Variants in CHD8 observed in about 807,000 individuals in gnomAD.
The protein encoded by CHD8 is ATP-dependent chromatin remodeler CHD8.
A neutral mutation model predicts 279.2 loss-of-function variants in CHD8; 31 were observed. That is an observed-to-expected ratio of 0.11 (90% confidence interval 0.08 to 0.15). The LOEUF is 0.15. Among genes scored for constraint, CHD8 ranks in the 10% least tolerant of loss-of-function variants. The probability of loss-of-function intolerance (pLI) is 1.00; values close to 1 mark genes in which losing one functional copy is unlikely to be tolerated. For synonymous variants in CHD8, 1,081 were observed against 1,139.6 expected (o/e 0.95, Z 1.04); for missense variants, 2,146 against 3,230.5 (o/e 0.66, Z 8.14).
intron 27 of CHD8, chr14:21,396,568 T>G (rs1887794505): frequency 6.6e-6 from 1 of 151,514 alleles, no homozygotes; most frequent in Admixed American, 6.6e-5. Context: ...GCCTAGTCTT[T>G]TATTTATTTA....
At position 21,405,734 on chromosome 14, in the gene CHD8, T is replaced by C; in HGVS notation, c.3038A>G (p.Lys1013Arg). 6.2e-7 allele frequency: 1 copy of C among 1,613,852 alleles called. No individual in the cohort carries two copies. The change falls in exon 15 of 38, where the codon AAG (lysine) becomes AGG (arginine). Residue 1013 changes from lysine to arginine, a missense_variant. Coordinates refer to ENST00000646647, the MANE Select transcript of CHD8 (RefSeq NM_001170629.2). The surrounding 1 kb of genome is among the most constrained non-coding windows in gnomAD (Gnocchi z 4.2). Reference protein sequence around the residue: ...SEFLKDFGDLKTEEQVQKLQA... With the variant: ...SEFLKDFGDLRTEEQVQKLQA... ...TAGATTTCCTACCTGTTCCTCTGTC[T>C]TGAGATCCCCAAAGTCCTTGAGAAA... is the stretch of plus-strand genomic sequence containing the variant.
chr14:21,407,554 C>G (rs1057151286), intron 13 of CHD8, among the ~76,000 whole-genome samples: 1 of 152,008 alleles, frequency 6.6e-6, no homozygotes, highest in Non-Finnish European at 1.5e-5. Context: ...CATGTTAATA[C>G]ACGATGGATA....
Position 21,402,965 on chromosome 14 carries a change from G to A in CHD8, c.3714+52C>T. ...CTTTCTAAAAGATCCTATTCTTGTT[G>A]AAAAATCTCCCAAGTTAGGTAGTTA... On this transcript the variant is annotated intron_variant, in intron 18 of 37. Transcript: ENST00000646647. The surrounding 1 kb of genome is among the most constrained non-coding windows in gnomAD (Gnocchi z 4.5). 6.8e-7 allele frequency: 1 copy of A among 1,460,230 alleles called. No homozygotes were observed. The highest frequency in any genetic ancestry group is 9.4e-7 in the Non-Finnish European group (1 of 1,061,960). The allele number at this position is 1,460,230 out of a possible 1,614,324, so 90.5% of individuals were successfully genotyped here.
intron 36 of CHD8, 37 bp downstream of exon 36, chr14:21,391,426 A>T: frequency 6.3e-7 from 1 of 1,593,594 alleles, no homozygotes. Context: ...TACCAAAGGA[A>T]TGACTTTAAA....
intron 9 of CHD8, among the ~76,000 whole-genome samples, chr14:21,413,360 C>T (rs541442817): frequency 2.6e-5 from 4 of 152,082 alleles, no homozygotes; most frequent in African/African-American, 7.2e-5. Flanking sequence ...CTACAACTCC[C>T]GCAACTATTT....
intron 3 of CHD8, 118 bp from the exon 4 acceptor site, chr14:21,428,372 C>T (rs561597579): frequency 1.1e-4 from 98 of 895,168 alleles, no homozygotes; most frequent in Middle Eastern, 1.0e-3. Flanking sequence ...GAATCAAGCT[C>T]AGACTAAATC....
rs1204709376 is a variant in CHD8, at chr14:21,431,071, C to G, written c.573G>C (p.Val191=). 1.9e-6 allele frequency: 3 copies of G among 1,599,352 alleles called. No individual in the cohort carries two copies. The highest frequency in any genetic ancestry group is 2.5e-6 in the Non-Finnish European group (3 of 1,179,706). ...CTTTTCCACCATTGGCTGTGCCTGC[C>G]ACCAGGGGCTGAGCTGTGCTGGTGA... is the stretch of plus-strand genomic sequence containing the variant. ...QGITSTAQPL[V]AGTANGGKVT... Residue 191 remains valine (V), a synonymous_variant, in exon 2 of 38, where the codon GTG becomes GTC. Transcript: ENST00000646647.
At chr14:21,443,224 T>C (rs1890028350) in intron 1 of CHD8, among the ~76,000 whole-genome samples, 1 of 151,438 alleles carries the variant, frequency 6.6e-6, no homozygotes, top group South Asian at 2.1e-4. Context: ...ACTCCGTCTC[T>C]ACTAAAAATA....
At chr14:21,411,898 T>C (rs1177051992) in intron 10 of CHD8, among the ~76,000 whole-genome samples, 7 of 151,934 alleles carry the variant, frequency 4.6e-5, no homozygotes, top group Admixed American at 4.6e-4. Flanking sequence ...ACCCTGTCTG[T>C]ACTAGAAATT....
In CHD8 at chr14:21,405,932, T is replaced by C. The variant is rs977226845; in HGVS notation, c.2908-68A>G. On this transcript the variant is annotated intron_variant, in intron 14 of 37. Transcript: ENST00000646647. This position sits in a 1 kb window ranked among gnomAD's most constrained non-coding sequence, Gnocchi z 4.2. ...AGGACTTCTGGGGTTTCCTATCAAG[T>C]ATATAATCTTTAACATATATAACCT... is the stretch of plus-strand genomic sequence containing the variant. The C allele has an allele frequency of 3.9e-6, 5 of 1,267,510 alleles. No individual in the cohort carries two copies. Among genetic ancestry groups the C allele is most frequent in the Non-Finnish European group, 4.4e-6 (4 of 912,528 alleles). 78.5% of individuals were successfully genotyped at this position (1,267,510 alleles called of 1,614,324 possible).
At chr14:21,445,256 C>T (rs1249234925) in intron 1 of CHD8, among the ~76,000 whole-genome samples, 1 of 152,190 alleles carries the variant, frequency 6.6e-6, no homozygotes, top group African/African-American at 2.4e-5. Flanking sequence ...TTAATTCTTA[C>T]TTATCCTTCA....
chr14:21,407,162 G>A (rs374550643), intron 13 of CHD8, 130 bp from the exon 14 acceptor site: 26 of 661,210 alleles, frequency 3.9e-5, no homozygotes, highest in South Asian at 3.2e-4. Flanking sequence ...CACCTCCACC[G>A]CTGTTTATCT....
rs1366060161 is a variant in CHD8 at position 21,392,551 on chromosome 14, G to A, written c.6727C>T (p.Arg2243Cys). ...AACTCCTTTTCATCCATGCCTCGGC[G>A]AAGTTTGGTGAACTGGGCTGCCGCT... The part of the protein sequence containing the change: ...STAAAQFTKL[R>C]RGMDEKEFTV... Residue 2243 changes from arginine (R) to cysteine (C), a missense_variant, in exon 34 of 38, where the codon CGC (arginine) becomes TGC (cysteine). Physicochemically the swap from Arg to Cys is radical, Grantham distance 180. Around this residue, in one of 26 missense-constraint regions of CHD8, gnomAD observed 513 missense variants for 637.6 expected, o/e 0.80. Transcript: ENST00000646647. 3 of 1,613,232 alleles carry A rather than the reference G, an allele frequency of 1.9e-6. No individual in the cohort carries two copies. The highest frequency in any genetic ancestry group is 1.3e-5 in the African/African-American group (1 of 74,992).
chr14:21,406,719 C>A, intron 14 of CHD8, 137 bp downstream of exon 14: 1 of 704,772 alleles, frequency 1.4e-6, no homozygotes, highest in Non-Finnish European at 2.2e-6. Flanking sequence ...TTCAGGTTAC[C>A]ATTCCCATAG....
At position 21,408,923 on chromosome 14, in the gene CHD8, A is replaced by G; in HGVS notation, c.2365-98T>C. ...ATAGTTAAAATCAATTCAAAACAAC[A>G]TTGTTTGGATTAAAACATGTCAAAT... On this transcript the variant is annotated intron_variant, in intron 11 of 37. Coordinates refer to ENST00000646647, the MANE Select transcript of CHD8 (RefSeq NM_001170629.2). This position sits in a 1 kb window ranked among gnomAD's most constrained non-coding sequence, Gnocchi z 4.3. 1 of 1,202,318 alleles carries G rather than the reference A, an allele frequency of 8.3e-7. No homozygotes were observed. Among genetic ancestry groups the G allele is most frequent in the Non-Finnish European group, 1.2e-6 (1 of 863,476 alleles). The allele number at this position is 1,202,318 out of a possible 1,614,324, so 74.5% of individuals were successfully genotyped here. A position where few individuals can be genotyped will look rare whatever the true frequency, so the allele number is the denominator to read the frequency against.
chr14:21,415,343 G>C, intron 7 of CHD8: 1 of 327,966 alleles, frequency 3.0e-6, no homozygotes, highest in Non-Finnish European at 5.3e-6. Flanking sequence ...TTAATATTAA[G>C]ATAGAGAAAA....
chr14:21,451,479 G>A (rs1935915988), intron 1 of CHD8, among the ~76,000 whole-genome samples: 1 of 149,828 alleles, frequency 6.7e-6, no homozygotes. Flanking sequence ...GGCTGAGGCA[G>A]GAGAGTCACC....
chr14:21,392,866 C>T (rs1887610022), intron 33 of CHD8, 57 bp from the exon 34 acceptor site: 1 of 1,535,714 alleles, frequency 6.5e-7, no homozygotes, highest in Non-Finnish European at 8.9e-7. Flanking sequence ...GCTGTGTGAT[C>T]CTGTGATACT....
intron 34 of CHD8, 123 bp downstream of exon 34, chr14:21,392,384 G>A: frequency 1.0e-6 from 1 of 965,252 alleles, no homozygotes; most frequent in East Asian, 2.4e-5. Flanking sequence ...ATCTTTGTAA[G>A]CTCTGTTTTC....
Sources: allele counts gnomAD v4.1 joint callset (sites outside exome capture counted in the v4.1 genomes callset), GRCh38; gene constraint gnomAD v4.1.1; regional missense constraint gnomAD v4.1.1; non-coding constraint Gnocchi (gnomAD v3.1); transcripts MANE v1.5; gene names NCBI Gene and HGNC (gene_info 2026-07-23, HGNC 2026-07-21).